Variants in EXOC6B observed in about 807,000 individuals in gnomAD.
The protein encoded by EXOC6B is exocyst complex component 6B.
In EXOC6B, 54 loss-of-function variants were observed where a neutral mutation model predicts 113.5. The ratio of observed to expected loss-of-function variants is 0.48; its 90% CI spans 0.38 to 0.60. The LOEUF (loss-of-function observed/expected upper bound fraction) is 0.60. Ranked by LOEUF, EXOC6B falls within the 20% of genes least tolerant of loss-of-function variation. The pLI, the probability that EXOC6B is intolerant of heterozygous loss-of-function variation, is 0.00. For missense variants in EXOC6B, 797 were observed against 977.5 expected (o/e 0.82, Z 2.46); for synonymous variants, 357 against 339.0 (o/e 1.05, Z -0.58).
chr2:72,521,699 G>C (rs1701496062), intron 8 of EXOC6B, among the ~76,000 whole-genome samples: 1 of 152,066 alleles, frequency 6.6e-6, no homozygotes, highest in African/African-American at 2.4e-5. Context: ...GCAAGGCTTT[G>C]TTTAACTTTT....
chr2:72,379,714 T>G lies in EXOC6B; in HGVS notation c.2122+15A>C, dbSNP rs781124344. The stretch of plus-strand genomic sequence containing the variant: ...CTGGTAAGATAAACAAGCACAGGGA[T>G]GGTCACTGTCTTACGTTCACATTCT... On this transcript the variant is annotated intron_variant, in intron 19 of 21. Transcript: ENST00000272427. The G allele has an allele frequency of 3.8e-6, 6 of 1,599,968 alleles. No individual in the cohort carries two copies. The South Asian group carries it at 6.8e-5, about 18-fold the overall frequency.
At chr2:72,624,712 C>T (rs1216216115) in intron 6 of EXOC6B, among the ~76,000 whole-genome samples, 1 of 152,148 alleles carries the variant, frequency 6.6e-6, no homozygotes, top group Non-Finnish European at 1.5e-5. Context: ...CACCACTGCA[C>T]TCCAGCGTAG....
At chr2:72,543,063 A>G (rs1449845855) in intron 8 of EXOC6B, among the ~76,000 whole-genome samples, 1 of 152,164 alleles carries the variant, frequency 6.6e-6, no homozygotes, top group Non-Finnish European at 1.5e-5. Flanking sequence ...CAAAAGGAAG[A>G]AAGAAAATGA....
intron 1 of EXOC6B, among the ~76,000 whole-genome samples, chr2:72,759,894 C>A (rs1255937226): frequency 6.6e-6 from 1 of 152,130 alleles, no homozygotes; most frequent in Non-Finnish European, 1.5e-5. Context: ...TGCCACAAGC[C>A]AAAGCTTTTA....
intron 9 of EXOC6B, 91 bp downstream of exon 9, chr2:72,514,952 C>T: frequency 1.0e-6 from 1 of 997,676 alleles, no homozygotes; most frequent in Non-Finnish European, 1.4e-6. Context: ...CACACACACA[C>T]AGACACACAC....
At chr2:72,765,640 T>G (rs1250403803) in intron 1 of EXOC6B, among the ~76,000 whole-genome samples, 3 of 151,944 alleles carry the variant, frequency 2.0e-5, no homozygotes, top group African/African-American at 4.8e-5. Flanking sequence ...GCCATTGCAC[T>G]CCAGCATGGG....
intron 8 of EXOC6B, among the ~76,000 whole-genome samples, chr2:72,518,321 C>CA (rs1203648446): frequency 1.3e-5 from 2 of 152,154 alleles, no homozygotes; most frequent in Non-Finnish European, 2.9e-5. Flanking sequence ...TTAATACACA[C>CA]AATCTCACCA....
At chr2:72,720,321 C>A (rs1679912518) in intron 5 of EXOC6B, among the ~76,000 whole-genome samples, 1 of 152,080 alleles carries the variant, frequency 6.6e-6, no homozygotes, top group Non-Finnish European at 1.5e-5. Flanking sequence ...ACTAAGCACT[C>A]CAATTGGAAG....
intron 18 of EXOC6B, chr2:72,462,238 T>G (rs569782047): frequency 2.0e-5 from 3 of 152,120 alleles, no homozygotes; most frequent in Non-Finnish European, 4.4e-5. Flanking sequence ...AATAAGACAC[T>G]TTTGACACTA....
intron 8 of EXOC6B, among the ~76,000 whole-genome samples, chr2:72,549,631 C>T (rs1004121140): frequency 1.1e-4 from 16 of 152,086 alleles, no homozygotes; most frequent in African/African-American, 3.6e-4. Context: ...CTGTGAATAT[C>T]CGAAAGGTTC....
At chr2:72,676,356 C>A (rs1394971467) in intron 6 of EXOC6B, among the ~76,000 whole-genome samples, 2 of 152,184 alleles carry the variant, frequency 1.3e-5, no homozygotes, top group Non-Finnish European at 2.9e-5. Flanking sequence ...GTACTCCCCA[C>A]AGGATCAAAA....
Position 72,496,374 on chromosome 2 carries a change from T to C in EXOC6B, c.1443+80A>G, listed in dbSNP as rs897399998. Reference sequence around the variant, plus strand: ...TAACCCATTGAGTTAAAGGTAATGCTTTCAATCAAACTGATCCAATGAAAG... The same window carrying C: ...TAACCCATTGAGTTAAAGGTAATGCCTTCAATCAAACTGATCCAATGAAAG... On this transcript the variant is annotated intron_variant, in intron 14 of 21. Transcript: ENST00000272427. The C allele has an allele frequency of 4.0e-5, 32 of 805,356 alleles. No individual in the cohort carries two copies. The Admixed American group carries it at 4.0e-4, about 10-fold the overall frequency. The allele number at this position is 805,356 out of a possible 1,614,324, so 49.9% of individuals were successfully genotyped here.
intron 6 of EXOC6B, among the ~76,000 whole-genome samples, chr2:72,686,135 G>A (rs568602560): frequency 1.2e-3 from 182 of 152,138 alleles, no homozygotes; most frequent in Non-Finnish European, 2.0e-3. Flanking sequence ...AATTTTCTCC[G>A]GACAGAGGAA....
rs373764103 is a variant in EXOC6B, at chr2:72,676,897, A to G, written c.669+41206T>C. Among the ~76,000 whole-genome samples the G allele has an allele frequency of 1.2e-4, 19 of 152,342 alleles. 2 individuals are homozygous for G. The highest frequency in any genetic ancestry group is 5.2e-4 in the Admixed American group (8 of 15,302). On this transcript the variant is annotated intron_variant, in intron 6 of 21. Coordinates refer to ENST00000272427, the MANE Select transcript of EXOC6B (RefSeq NM_015189.3). ...TTTAAAAGATACTACCACTGGCTAC[A>G]TAACTGTTTTGACTTTCAAACAAGA... is the stretch of plus-strand genomic sequence containing the variant.
At chr2:72,747,782 C>T (rs1681797051) in intron 1 of EXOC6B, among the ~76,000 whole-genome samples, 1 of 152,148 alleles carries the variant, frequency 6.6e-6, no homozygotes, top group Non-Finnish European at 1.5e-5. Flanking sequence ...TCCCATTTGC[C>T]TCTCAATTTT....
At chr2:72,566,464 C>T (rs534952388) in intron 7 of EXOC6B, among the ~76,000 whole-genome samples, 2 of 152,074 alleles carry the variant, frequency 1.3e-5, no homozygotes, top group African/African-American at 4.8e-5. Flanking sequence ...AGTTTTGGTA[C>T]TATATGCACA....
chr2:72,527,981 CT>C lies in EXOC6B; in HGVS notation c.916-12856del, dbSNP rs560124333. 2.6e-3 allele frequency among the ~76,000 whole-genome samples: 392 copies of C among 151,950 alleles called. 1 individual carries two copies. Among genetic ancestry groups the C allele is most frequent in the African/African-American group, 8.9e-3 (369 of 41,508 alleles). On this transcript the variant is annotated intron_variant, in intron 8 of 21. Transcript: ENST00000272427. ...TGGATATATGATTTGCAAATATTTT[CT>C]CCCACTCCACTGTATCTTTTACCCT...
chr2:72,416,053 T>C (rs918723270), intron 18 of EXOC6B, among the ~76,000 whole-genome samples: 4 of 152,162 alleles, frequency 2.6e-5, no homozygotes, highest in Non-Finnish European at 5.9e-5. Context: ...CAGCTGTCAG[T>C]CAAGCTGAAG....
At chr2:72,368,214 C>G (rs1357104230) in intron 19 of EXOC6B, among the ~76,000 whole-genome samples, 5 of 152,118 alleles carry the variant, frequency 3.3e-5, no homozygotes, top group Non-Finnish European at 7.4e-5. Flanking sequence ...TACAAACTAC[C>G]ATCAGAGAAT....
Sources: allele counts gnomAD v4.1 joint callset (sites outside exome capture counted in the v4.1 genomes callset), GRCh38; gene constraint gnomAD v4.1.1; transcripts MANE v1.5; gene names NCBI Gene and HGNC (gene_info 2026-07-23, HGNC 2026-07-21).